The following BATF3 variants were observed in gnomAD, a reference collection of about 807,000 sequenced individuals.
BATF3 encodes the protein basic leucine zipper transcriptional factor ATF-like 3.
In BATF3, 8 loss-of-function variants were observed where a neutral mutation model predicts 16.1. That is an observed-to-expected ratio of 0.50 (90% CI 0.29 to 0.90). BATF3 has a LOEUF of 0.90. Ranked by LOEUF, BATF3 falls within the 40% of genes least tolerant of loss-of-function variation. BATF3 has a pLI of 0.08. For missense variants in BATF3, 139 were observed against 167.0 expected, an observed-to-expected ratio of 0.83 and a Z score of 0.92; for synonymous variants, 74 against 72.7, an observed-to-expected ratio of 1.02 and a Z score of -0.09.
In BATF3 at chr1:212,689,761, ACACT is replaced by A. The variant is rs1427539999; in HGVS notation, c.196-2786_196-2783del. ...CTCTTACACACATACACATATACACACACTCACACACGTCCGCAAACACACTCAC... is the reference window on the plus strand; with the variant it reads ...CTCTTACACACATACACATATACACACACACACGTCCGCAAACACACTCAC... On this transcript the variant is annotated intron_variant, in intron 2 of 2. Coordinates refer to ENST00000243440, the MANE Select transcript of BATF3 (RefSeq NM_018664.3). The surrounding 1 kb of genome is among the most constrained non-coding windows in gnomAD (Gnocchi z 4.6). Among the ~76,000 whole-genome samples, 9 of 151,586 alleles carry A rather than the reference ACACT, an allele frequency of 5.9e-5. No individual in the cohort carries two copies. Among genetic ancestry groups the A allele is most frequent in the Admixed American group, 1.3e-4 (2 of 15,198 alleles).
In BATF3 at chr1:212,686,817, G is replaced by A. The variant is rs1332704006; in HGVS notation, c.358C>T (p.Pro120Ser). Residue 120 changes from proline (P) to serine (S), a missense_variant, in exon 3 of 3, where the codon CCT becomes TCT. Physicochemically the swap from Pro to Ser is moderately conservative, Grantham distance 74. Transcript: ENST00000243440. ...CATCGGGGCAAGCAGCCGGCCACAG[G>A]GTCCGGCCGGGGAGGCACTGGCACA... Reference protein sequence around the residue: ...NFVPVPPRPDPVAGCLPR With the variant: ...NFVPVPPRPDSVAGCLPR The A allele has an allele frequency of 6.2e-7, 1 of 1,613,102 alleles. No individual in the cohort carries two copies. The highest frequency in any genetic ancestry group is 8.5e-7 in the Non-Finnish European group (1 of 1,179,366).
At position 212,699,785 on chromosome 1, in the gene BATF3, C is replaced by A; in HGVS notation, c.-23G>T. On this transcript the variant is annotated 5_prime_UTR_variant, in exon 1 of 3. Coordinates refer to ENST00000243440, the MANE Select transcript of BATF3 (RefSeq NM_018664.3). The surrounding 1 kb of genome is among the most constrained non-coding windows in gnomAD (Gnocchi z 4.4). ...CATGCCGGGCGCTCCTCTGGCCCGGCCCGCCCCGCCCCGCCCGCGCGCCCT... is the reference window on the plus strand; with the variant it reads ...CATGCCGGGCGCTCCTCTGGCCCGGACCGCCCCGCCCCGCCCGCGCGCCCT... 1 of 1,146,652 alleles carries A rather than the reference C, an allele frequency of 8.7e-7. No individual in the cohort carries two copies. The highest frequency in any genetic ancestry group is 4.9e-5 in the Admixed American group (1 of 20,566). The allele number at this position is 1,146,652 out of a possible 1,614,324, so 71.0% of individuals were successfully genotyped here.
At chr1:212,690,282 T>C (rs1656972296) in intron 2 of BATF3, among the ~76,000 whole-genome samples, 1 of 152,230 alleles carries the variant, frequency 6.6e-6, no homozygotes, top group Admixed American at 6.5e-5. Context: ...CCCAGTTTTG[T>C]CTCTGGAAGC....
chr1:212,698,835 G>C (rs933342549), intron 1 of BATF3: 1 of 152,196 alleles, frequency 6.6e-6, no homozygotes, highest in Non-Finnish European at 1.5e-5. Context: ...AAAATCCTGA[G>C]AGGTTGATGT....
intron 2 of BATF3, among the ~76,000 whole-genome samples, chr1:212,695,310 T>A (rs901349051): frequency 4.6e-5 from 7 of 151,728 alleles, no homozygotes; most frequent in Non-Finnish European, 8.8e-5. Flanking sequence ...CTGGCCAACA[T>A]GGTGAAACCC....
chr1:212,692,988 G>A (rs1034511709), intron 2 of BATF3, among the ~76,000 whole-genome samples: 15 of 152,210 alleles, frequency 9.9e-5, no homozygotes, highest in Middle Eastern at 3.2e-3. Context: ...CAGATTTGAG[G>A]AGGAGGTTCC....
intron 2 of BATF3, among the ~76,000 whole-genome samples, chr1:212,695,687 T>G (rs1227943632): frequency 1.3e-5 from 2 of 151,898 alleles, no homozygotes; most frequent in Non-Finnish European, 2.9e-5. Flanking sequence ...ACTAAAATCT[T>G]TAATTACACA....
chr1:212,692,626 T>C (rs1000338125), intron 2 of BATF3, among the ~76,000 whole-genome samples: 1 of 152,110 alleles, frequency 6.6e-6, no homozygotes, highest in African/African-American at 2.4e-5. Flanking sequence ...TTAGTGGAGA[T>C]GGGGTTTCGC....
In BATF3 at chr1:212,686,519, AT is replaced by A. The variant is rs1656852988; in HGVS notation, c.*271del. ...CAAATTCTAGAGGAAATGGCTCTGC[AT>A]AACAGCAGAACCTACTAGCTGCCAG... is the stretch of plus-strand genomic sequence containing the variant. On this transcript the variant is annotated 3_prime_UTR_variant, in exon 3 of 3. Transcript: ENST00000243440. The A allele has an allele frequency of 1.3e-5, 6 of 462,482 alleles. No homozygotes were observed. Among genetic ancestry groups the A allele is most frequent in the Non-Finnish European group, 2.3e-5 (6 of 258,658 alleles). 28.6% of individuals were successfully genotyped at this position (462,482 alleles called of 1,614,324 possible).
At chr1:212,693,960 A>G (rs141824146) in intron 2 of BATF3, among the ~76,000 whole-genome samples, 28 of 152,332 alleles carry the variant, frequency 1.8e-4, no homozygotes, top group African/African-American at 6.7e-4. Context: ...GGATGTGATT[A>G]AGAAGCGTGA....
At chr1:212,697,210 A>G in intron 1 of BATF3, 145 bp from the exon 2 acceptor site, 2 of 635,044 alleles carry the variant, frequency 3.1e-6, no homozygotes, top group Non-Finnish European at 5.6e-6. Flanking sequence ...CAATGGGCTC[A>G]CAACAGCCCC....
At chr1:212,695,552 A>G (rs1208481460) in intron 2 of BATF3, among the ~76,000 whole-genome samples, 3 of 150,054 alleles carry the variant, frequency 2.0e-5, no homozygotes, top group Non-Finnish European at 3.0e-5. Flanking sequence ...ATGAGGTGGG[A>G]AGATTGCTTG....
At chr1:212,696,423 G>GGTGT (rs139095900) in intron 2 of BATF3, among the ~76,000 whole-genome samples, 20,840 of 148,452 alleles carry the variant, frequency 0.14, 1,580 homozygotes, top group Middle Eastern at 0.2. Flanking sequence ...GTTTCTGTAG[G>GGTGT]GTGTGTGTGT....
intron 2 of BATF3, chr1:212,687,350 G>T: frequency 4.3e-6 from 1 of 231,826 alleles, no homozygotes; most frequent in South Asian, 7.4e-5. Context: ...ATCTCTATTG[G>T]GTTCACAGCT....
At chr1:212,694,721 T>C (rs976026986) in intron 2 of BATF3, among the ~76,000 whole-genome samples, 4 of 152,090 alleles carry the variant, frequency 2.6e-5, no homozygotes, top group Admixed American at 6.5e-5. Flanking sequence ...AGAACCACAA[T>C]TGCTTCAGGA....
At chr1:212,688,882 C>A (rs1480540842) in intron 2 of BATF3, among the ~76,000 whole-genome samples, 1 of 152,196 alleles carries the variant, frequency 6.6e-6, no homozygotes, top group Non-Finnish European at 1.5e-5. Context: ...CACTTTCTCT[C>A]TGACTAGTAA....
chr1:212,686,620 T>G lies in BATF3; in HGVS notation c.*171A>C. 1.7e-6 allele frequency: 2 copies of G among 1,144,608 alleles called. No individual in the cohort carries two copies. Among genetic ancestry groups the G allele is most frequent in the Non-Finnish European group, 2.4e-6 (2 of 838,788 alleles). 70.9% of individuals were successfully genotyped at this position (1,144,608 alleles called of 1,614,324 possible). A position where few individuals can be genotyped will look rare whatever the true frequency, so the allele number is the denominator to read the frequency against. On this transcript the variant is annotated 3_prime_UTR_variant, in exon 3 of 3. Coordinates refer to ENST00000243440, the MANE Select transcript of BATF3 (RefSeq NM_018664.3). ...AAGGGCTCTGTGAGTTTGGCGCCTG[T>G]TGGATGTCGGGCTGAGCCCAGTCTG...
At chr1:212,697,257 G>A (rs1386493861) in intron 1 of BATF3, 192 bp from the exon 2 acceptor site, 5 of 547,284 alleles carry the variant, frequency 9.1e-6, no homozygotes, top group Admixed American at 6.7e-5. Context: ...TGTGTGAAGT[G>A]TGTGGTGTGA....
chr1:212,697,942 C>T (rs919049058), intron 1 of BATF3: 1 of 152,120 alleles, frequency 6.6e-6, no homozygotes, highest in African/African-American at 2.4e-5. Flanking sequence ...GAGGTACAAA[C>T]AAGGAAAACT....
Sources: gnomAD v4.1 joint callset for allele counts (sites outside exome capture counted in the v4.1 genomes callset) on GRCh38, gnomAD v4.1.1 for gene constraint, Gnocchi (gnomAD v3.1) non-coding constraint, MANE v1.5 for transcripts, NCBI Gene and HGNC (gene_info 2026-07-23, HGNC 2026-07-21) for gene names.